DLGAP2: variants seen among roughly 807,000 people sequenced by gnomAD.
DLGAP2 encodes the protein disks large-associated protein 2.
DLGAP2 carries 26 observed loss-of-function variants against 100.3 expected under a neutral mutation model. The ratio of observed to expected loss-of-function variants is 0.26; its 90% CI spans 0.19 to 0.36. The LOEUF is 0.36. Among genes scored for constraint, DLGAP2 ranks in the 10% least tolerant of loss-of-function variants. The probability of loss-of-function intolerance (pLI) is 1.00; values close to 1 mark genes in which losing one functional copy is unlikely to be tolerated. For missense variants in DLGAP2, 1,858 were observed against 1,453.2 expected, an observed-to-expected ratio of 1.28 and a Z score of -4.53; for synonymous variants, 886 against 630.1, an observed-to-expected ratio of 1.41 and a Z score of -6.08.
intron 4 of DLGAP2, among the ~76,000 whole-genome samples, chr8:1,523,242 C>T (rs1454546394): frequency 2.0e-5 from 3 of 152,220 alleles, no homozygotes; most frequent in African/African-American, 4.8e-5. Context: ...CTCACACACA[C>T]GTTGAATTTG....
chr8:1,145,688 G>A (rs182025311), intron 2 of DLGAP2, among the ~76,000 whole-genome samples: 7,472 of 150,976 alleles, frequency 0.049, 233 homozygotes, highest in African/African-American at 0.078. Flanking sequence ...ATGTATACAT[G>A]TGCCATGCTG....
intron 6 of DLGAP2, among the ~76,000 whole-genome samples, chr8:1,588,906 AGT>A (rs1796209191): frequency 6.6e-6 from 1 of 152,168 alleles, no homozygotes; most frequent in African/African-American, 2.4e-5. Context: ...TGGGCGACAG[AGT>A]GTGACTTCAT....
At chr8:1,224,165 A>G (rs1479110205) in intron 2 of DLGAP2, among the ~76,000 whole-genome samples, 1 of 152,234 alleles carries the variant, frequency 6.6e-6, no homozygotes, top group African/African-American at 2.4e-5. Flanking sequence ...TCTAAGAGGA[A>G]TTGCAAGAAA....
intron 3 of DLGAP2, among the ~76,000 whole-genome samples, chr8:1,445,835 G>A (rs1797971290): frequency 1.3e-5 from 2 of 152,166 alleles, no homozygotes; most frequent in Admixed American, 6.5e-5. Flanking sequence ...TTTCTCTGAT[G>A]GCCAGTGATG....
intron 1 of DLGAP2, chr8:739,539 T>C (rs554590536): frequency 3.7e-4 from 57 of 152,374 alleles, no homozygotes; most frequent in African/African-American, 1.4e-3. Flanking sequence ...ATTTTCATTT[T>C]ACTTCCTTTT....
At chr8:1,305,341 C>T (rs970546731) in intron 3 of DLGAP2, among the ~76,000 whole-genome samples, 5 of 152,188 alleles carry the variant, frequency 3.3e-5, no homozygotes, top group African/African-American at 9.7e-5. Context: ...GCTACTGAAG[C>T]TATGATCTTC....
chr8:915,393 A>C (rs1055920013), intron 2 of DLGAP2, among the ~76,000 whole-genome samples: 6 of 152,094 alleles, frequency 3.9e-5, no homozygotes, highest in African/African-American at 1.4e-4. Context: ...TAAAAATACA[A>C]AAAATTAGCT....
chr8:847,090 A>G (rs1049274202), intron 1 of DLGAP2, among the ~76,000 whole-genome samples: 19 of 152,248 alleles, frequency 1.2e-4, no homozygotes, highest in African/African-American at 4.6e-4. Flanking sequence ...TGAACTTGCC[A>G]TTAAAAACAC....
intron 1 of DLGAP2, among the ~76,000 whole-genome samples, chr8:829,714 T>A (rs2055516): frequency 2.4e-4 from 36 of 152,170 alleles, no homozygotes; most frequent in African/African-American, 8.7e-4. Context: ...TGGTTGTTAT[T>A]GACATTTTGG....
At chr8:1,270,388 G>T (rs1414442865) in intron 3 of DLGAP2, among the ~76,000 whole-genome samples, 1 of 152,196 alleles carries the variant, frequency 6.6e-6, no homozygotes, top group East Asian at 1.9e-4. Context: ...GATCGTCACA[G>T]CCTCATTGAC....
chr8:1,432,519 G>C (rs1797481385), intron 3 of DLGAP2, among the ~76,000 whole-genome samples: 1 of 152,240 alleles, frequency 6.6e-6, no homozygotes, highest in Non-Finnish European at 1.5e-5. Flanking sequence ...TGTTGACTGG[G>C]GAGAGGAGAC....
At chr8:1,556,561 G>T (rs888023717) in intron 5 of DLGAP2, among the ~76,000 whole-genome samples, 2 of 152,210 alleles carry the variant, frequency 1.3e-5, no homozygotes, top group African/African-American at 4.8e-5. Flanking sequence ...TCCACATGCA[G>T]TACTGCTCTG....
chr8:1,107,789 C>T (rs1365802453), intron 2 of DLGAP2, among the ~76,000 whole-genome samples: 1 of 152,186 alleles, frequency 6.6e-6, no homozygotes, highest in Non-Finnish European at 1.5e-5. Flanking sequence ...AGTTACGGCC[C>T]ATCCTATGCT....
At chr8:865,812 C>T (rs575237663) in intron 1 of DLGAP2, among the ~76,000 whole-genome samples, 1 of 152,276 alleles carries the variant, frequency 6.6e-6, no homozygotes, top group South Asian at 2.1e-4. Flanking sequence ...GATGGGTCTG[C>T]CCAGCTACAG....
At chr8:1,224,296 C>A (rs1407404383) in intron 2 of DLGAP2, among the ~76,000 whole-genome samples, 1 of 152,168 alleles carries the variant, frequency 6.6e-6, no homozygotes, top group Admixed American at 6.5e-5. Flanking sequence ...ATATAAGAGA[C>A]ATAATTGACA....
chr8:835,875 A>G (rs1796864320), intron 1 of DLGAP2, among the ~76,000 whole-genome samples: 1 of 152,140 alleles, frequency 6.6e-6, no homozygotes, highest in Admixed American at 6.5e-5. Flanking sequence ...TCGCTGTCTC[A>G]GAACTGCTTT....
intron 5 of DLGAP2, among the ~76,000 whole-genome samples, chr8:1,550,169 C>A (rs985748574): frequency 3.3e-5 from 5 of 152,208 alleles, no homozygotes; most frequent in African/African-American, 1.2e-4. Context: ...TCTTCCAGCT[C>A]ACCTGTGTTG....
chr8:1,025,444 G>T (rs1315717359), intron 2 of DLGAP2, among the ~76,000 whole-genome samples: 2 of 152,152 alleles, frequency 1.3e-5, no homozygotes, highest in African/African-American at 2.4e-5. Context: ...CCCATTTTCT[G>T]GTTGGAAAAG....
intron 3 of DLGAP2, among the ~76,000 whole-genome samples, chr8:1,430,200 C>T (rs1797385314): frequency 6.6e-6 from 1 of 150,462 alleles, no homozygotes; most frequent in South Asian, 2.1e-4. Flanking sequence ...TACTTTAATC[C>T]CTATATGTCA....
Sources: allele counts gnomAD v4.1 joint callset (sites outside exome capture counted in the v4.1 genomes callset), GRCh38; gene constraint gnomAD v4.1.1; transcripts MANE v1.5; gene names NCBI Gene and HGNC (gene_info 2026-07-23, HGNC 2026-07-21).